SCNN1B: variants seen among roughly 807,000 people sequenced by gnomAD.
SCNN1B encodes sodium channel epithelial 1 subunit beta.
Under a neutral mutation model 65.3 loss-of-function variants are expected in SCNN1B, and 46 were observed. The ratio of observed to expected loss-of-function variants is 0.70; its 90% CI spans 0.56 to 0.90. The LOEUF (loss-of-function observed/expected upper bound fraction) is 0.90. SCNN1B is among the 40% of genes least tolerant of loss of function. SCNN1B has a pLI of 0.00. For synonymous variants in SCNN1B, 349 were observed against 330.6 expected (o/e 1.06, Z -0.60); for missense variants, 751 against 830.5 (o/e 0.90, Z 1.18).
In SCNN1B at chr16:23,380,690, C is replaced by T; in HGVS notation, c.1812C>T (p.Tyr604=). Residue 604 remains tyrosine (Y), a synonymous_variant, in exon 13 of 13, where the codon TAC becomes TAT. Transcript: ENST00000343070. The surrounding 1 kb of genome is among the most constrained non-coding windows in gnomAD (Gnocchi z 5.4). ...TAPRSPNTGP[Y]PSEQALPIPG... The stretch of plus-strand genomic sequence containing the variant: ...CCCGCAGCCCCAACACTGGGCCCTA[C>T]CCCAGTGAGCAGGCCCTGCCCATCC... 1 of 1,612,052 alleles carries T rather than the reference C, an allele frequency of 6.2e-7. No homozygotes were observed. Among genetic ancestry groups the T allele is most frequent in the South Asian group, 1.1e-5 (1 of 91,012 alleles).
intron 4 of SCNN1B, among the ~76,000 whole-genome samples, chr16:23,365,599 A>AG (rs1555488913): frequency 0.02 from 1,209 of 61,544 alleles, 9 homozygotes; most frequent in Middle Eastern, 0.033. Context: ...GAAAGAAAGA[A>AG]AGAAAGAAAG....
chr16:23,334,711 A>G (rs1446029774), intron 1 of SCNN1B, among the ~76,000 whole-genome samples: 3 of 152,216 alleles, frequency 2.0e-5, no homozygotes, highest in Admixed American at 6.5e-5. Context: ...AGAATATTAC[A>G]GTGTTGCAAT....
At chr16:23,367,769 G>A in intron 4 of SCNN1B, 87 bp from the exon 5 acceptor site, 1 of 1,054,472 alleles carries the variant, frequency 9.5e-7, no homozygotes, top group Non-Finnish European at 1.5e-6. Flanking sequence ...GCCCCTCCAA[G>A]GAGGAAATGA....
At position 23,348,268 on chromosome 16, in the gene SCNN1B, G is replaced by T. The variant is rs1348358921; in HGVS notation, c.-8-324G>T. Among the ~76,000 whole-genome samples, 1 of 152,116 alleles carries T rather than the reference G, an allele frequency of 6.6e-6. No individual in the cohort carries two copies. Among genetic ancestry groups the T allele is most frequent in the Non-Finnish European group, 1.5e-5 (1 of 68,014 alleles). The stretch of plus-strand genomic sequence containing the variant: ...CAGAGAACCTGAGTTGAGAGTTTAA[G>T]TCACTTGTTCACTAGGTTATGAATT... On this transcript the variant is annotated intron_variant, in intron 1 of 12. Coordinates refer to ENST00000343070, the MANE Select transcript of SCNN1B (RefSeq NM_000336.3). This position sits in a 1 kb window ranked among gnomAD's most constrained non-coding sequence, Gnocchi z 4.5.
chr16:23,336,509 C>T (rs1961945632), intron 1 of SCNN1B, among the ~76,000 whole-genome samples: 1 of 151,838 alleles, frequency 6.6e-6, no homozygotes, highest in South Asian at 2.1e-4. Context: ...GTAGCTGAGA[C>T]CACAGATGCG....
At chr16:23,289,455 G>A (rs2141969767) in intron 2 of SCNN1B, among the ~76,000 whole-genome samples, 1 of 152,200 alleles carries the variant, frequency 6.6e-6, no homozygotes, top group Non-Finnish European at 1.5e-5. Context: ...GGAGGCTGAA[G>A]CTGGAGGATC....
Position 23,291,744 on chromosome 16 carries a change from T to A in SCNN1B, n.178+7940T>A, listed in dbSNP as rs1345270923. Reference sequence around the variant, plus strand: ...CACGCACCACCACCACGCAGCTAATTTTTTTTTTTTTTTTTTAGTAGAGAC... The same window carrying A: ...CACGCACCACCACCACGCAGCTAATATTTTTTTTTTTTTTTTAGTAGAGAC... On this transcript the variant is annotated intron_variant and non_coding_transcript_variant, in intron 2 of 3. Coordinates refer to the SCNN1B transcript ENST00000569789. Among the ~76,000 whole-genome samples the A allele has an allele frequency of 1.7e-4, 14 of 82,460 alleles. No individual in the cohort carries two copies. The East Asian group carries it at 3.5e-3, about 21-fold the overall frequency. 54.1% of individuals were successfully genotyped at this position (82,460 alleles called of 152,430 possible). A position where few individuals can be genotyped will look rare whatever the true frequency, so the allele number is the denominator to read the frequency against.
At chr16:23,335,316 T>C (rs1413634362) in intron 1 of SCNN1B, among the ~76,000 whole-genome samples, 1 of 152,238 alleles carries the variant, frequency 6.6e-6, no homozygotes, top group African/African-American at 2.4e-5. Flanking sequence ...TTGTGTGACC[T>C]GGTAGAAGGA....
Position 23,381,182 on chromosome 16 carries a change from G to A in SCNN1B, c.*381G>A. 1 of 296,814 alleles carries A rather than the reference G, an allele frequency of 3.4e-6. No individual in the cohort carries two copies. Among genetic ancestry groups the A allele is most frequent in the Non-Finnish European group, 6.5e-6 (1 of 154,818 alleles). 18.4% of individuals were successfully genotyped at this position (296,814 alleles called of 1,614,324 possible). On this transcript the variant is annotated 3_prime_UTR_variant, in exon 13 of 13. Coordinates refer to ENST00000343070, the MANE Select transcript of SCNN1B (RefSeq NM_000336.3). ...GGGCCATGTGGTTTTCTCCTTCCTG[G>A]CCTTGGCTGGCCTCTGGGGCAGGGG...
intron 11 of SCNN1B, among the ~76,000 whole-genome samples, chr16:23,379,597 A>G (rs1009683564): frequency 4.6e-5 from 7 of 152,170 alleles, no homozygotes; most frequent in African/African-American, 1.7e-4. Context: ...GGATGCCCAC[A>G]CAGCCACCCT....
chr16:23,319,052 T>G (rs1035256418), intron 1 of SCNN1B, among the ~76,000 whole-genome samples: 1 of 151,820 alleles, frequency 6.6e-6, no homozygotes, highest in African/African-American at 2.4e-5. Flanking sequence ...TTTGTTTTTT[T>G]TTTTTTTGAG....
chr16:23,338,759 C>T (rs932292233), intron 1 of SCNN1B, among the ~76,000 whole-genome samples: 2 of 152,212 alleles, frequency 1.3e-5, no homozygotes, highest in Admixed American at 6.5e-5. Context: ...CATGCGGGGA[C>T]AACCGTCACA....
At chr16:23,293,899 G>A (rs1449853169) in intron 2 of SCNN1B, among the ~76,000 whole-genome samples, 1 of 152,050 alleles carries the variant, frequency 6.6e-6, no homozygotes, top group Non-Finnish European at 1.5e-5. Context: ...ACTCTAGCTT[G>A]GGCAACAGAG....
chr16:23,380,749 G>C lies in SCNN1B; in HGVS notation c.1871G>C (p.Arg624Pro). ...GTPPPNYDSL[R>P]LQPLDVIESD... ...CCGCCCCCCAACTATGACTCCCTGC[G>C]TCTGCAGCCGCTGGACGTCATCGAG... Residue 624 changes from arginine (R) to proline (P), a missense_variant, in exon 13 of 13, where the codon CGT becomes CCT. Transcript: ENST00000343070. The surrounding 1 kb of genome is among the most constrained non-coding windows in gnomAD (Gnocchi z 5.4). The C allele has an allele frequency of 6.2e-7, 1 of 1,612,538 alleles. No homozygotes were observed. The highest frequency in any genetic ancestry group is 1.1e-5 in the South Asian group (1 of 91,054).
At chr16:23,327,598 T>C (rs1961723523) in intron 1 of SCNN1B, among the ~76,000 whole-genome samples, 1 of 152,174 alleles carries the variant, frequency 6.6e-6, no homozygotes. Context: ...TACCTCATTG[T>C]GTGCCTGTAT....
intron 1 of SCNN1B, among the ~76,000 whole-genome samples, chr16:23,282,186 G>A (rs1372057056): frequency 5.9e-5 from 9 of 151,962 alleles, no homozygotes; most frequent in African/African-American, 2.2e-4. Flanking sequence ...CTATATCCAC[G>A]TACCACGACT....
chr16:23,337,746 A>C (rs1961974139), intron 1 of SCNN1B, among the ~76,000 whole-genome samples: 1 of 152,034 alleles, frequency 6.6e-6, no homozygotes, highest in Non-Finnish European at 1.5e-5. Flanking sequence ...ACTTCTTTAA[A>C]GTACCAGATG....
At chr16:23,365,587 G>GGA (rs1555488906) in intron 4 of SCNN1B, among the ~76,000 whole-genome samples, 2 of 86,958 alleles carry the variant, frequency 2.3e-5, no homozygotes, top group Non-Finnish European at 4.4e-5. Flanking sequence ...AAGAAAGAAA[G>GGA]AGAAAGAAAG....
chr16:23,316,476 C>T (rs1160099690), intron 1 of SCNN1B, among the ~76,000 whole-genome samples: 11 of 146,974 alleles, frequency 7.5e-5, no homozygotes, highest in Non-Finnish European at 1.5e-4. Flanking sequence ...ATCACCCTGA[C>T]CATCACCTCC....
Sources: allele counts gnomAD v4.1 joint callset (sites outside exome capture counted in the v4.1 genomes callset), GRCh38; gene constraint gnomAD v4.1.1; non-coding constraint Gnocchi (gnomAD v3.1); transcripts MANE v1.5; gene names NCBI Gene and HGNC (gene_info 2026-07-23, HGNC 2026-07-21).